The following GNE variants were observed in gnomAD, a reference collection of about 807,000 sequenced individuals.
GNE encodes glucosamine (UDP-N-acetyl)-2-epimerase/N-acetylmannosamine kinase.
GNE carries 41 observed loss-of-function variants against 61.8 expected under a neutral mutation model. The observed-to-expected ratio is 0.66, with a 90% CI of 0.52 to 0.86. GNE has a LOEUF of 0.86. Among genes scored for constraint, GNE ranks in the 40% least tolerant of loss-of-function variants. The pLI, the probability that GNE is intolerant of heterozygous loss-of-function variation, is 0.00. For synonymous variants in GNE, 264 were observed against 326.4 expected (o/e 0.81, Z 2.06); for missense variants, 608 against 909.1 (o/e 0.67, Z 4.26).
upstream of GNE, among the ~76,000 whole-genome samples, chr9:36,258,930 A>G (rs1830515909): frequency 6.6e-6 from 1 of 152,134 alleles, no homozygotes; most frequent in African/African-American, 2.4e-5. Flanking sequence ...ATTGATGACC[A>G]AGGCATGGCA....
chr9:36,222,097 C>T (rs1178822575), intron 9 of GNE, among the ~76,000 whole-genome samples: 1 of 152,174 alleles, frequency 6.6e-6, no homozygotes, highest in African/African-American at 2.4e-5. Context: ...TATCCTAGTG[C>T]TGAGGGGGTT....
Position 36,219,848 on chromosome 9 carries a change from C to CT in GNE, c.1805dup (p.Leu603AlafsTer3). 1.2e-6 allele frequency: 2 copies of CT among 1,613,996 alleles called. No individual in the cohort carries two copies. Among genetic ancestry groups the CT allele is most frequent in the South Asian group, 1.1e-5 (1 of 91,080 alleles). Reference sequence around the variant, plus strand: ...GAGAGGGACACCAACCATCATGGAGCTTTTTTGCCTCCCTCTGCAAGGCCA... The same window carrying CT: ...GAGAGGGACACCAACCATCATGGAGCTTTTTTTGCCTCCCTCTGCAAGGCCA... On this transcript the variant is annotated frameshift_variant, in exon 10 of 12. Coordinates refer to ENST00000642385, the MANE Select transcript of GNE (RefSeq NM_005476.7). LOFTEE classifies it high-confidence loss of function.
Position 36,216,673 on chromosome 9 carries a change from T to TA in GNE, c.*691_*692insT, listed in dbSNP as rs60468720. ...TTATTATTATTATTATTATTATTAT[T>TA]TATTATTATTATTTTTGAGATGGAG... On this transcript the variant is annotated 3_prime_UTR_variant, in exon 12 of 12. Coordinates refer to ENST00000642385, the MANE Select transcript of GNE (RefSeq NM_005476.7). 1.1e-4 allele frequency: 4 copies of TA among 36,458 alleles called. No homozygotes were observed. The highest frequency in any genetic ancestry group is 2.5e-4 in the African/African-American group (3 of 12,190). The allele number at this position is 36,458 out of a possible 1,614,324, so 2.3% of individuals were successfully genotyped here. A position where few individuals can be genotyped will look rare whatever the true frequency, so the allele number is the denominator to read the frequency against.
chr9:36,230,685 A>G (rs1587304548), intron 5 of GNE, among the ~76,000 whole-genome samples: 1 of 144,842 alleles, frequency 6.9e-6, no homozygotes. Flanking sequence ...TTTGAGACGG[A>G]GTCTCGCTCT....
At chr9:36,261,892 C>T (rs1351949996), upstream of GNE, among the ~76,000 whole-genome samples, 2 of 148,698 alleles carry the variant, frequency 1.3e-5, no homozygotes, top group African/African-American at 2.5e-5. Context: ...CACTGCACTC[C>T]AGCCTGGGCA....
rs1348230579 is a variant in GNE, at chr9:36,218,616, T to C, written c.1817-317A>G. Among the ~76,000 whole-genome samples the C allele has an allele frequency of 3.9e-5, 6 of 152,194 alleles. No individual in the cohort carries two copies. Among genetic ancestry groups the C allele is most frequent in the African/African-American group, 1.2e-4 (5 of 41,454 alleles). On this transcript the variant is annotated intron_variant, in intron 10 of 11. Transcript: ENST00000642385. This position sits in a 1 kb window ranked among gnomAD's most constrained non-coding sequence, Gnocchi z 4.1. ...TTGAAGTGTTCTTTTCTCCAAATTA[T>C]CACCCTCCTCCCACATTCACTCCTT...
intron 1 of GNE, among the ~76,000 whole-genome samples, chr9:36,266,954 T>C (rs937124428): frequency 6.6e-6 from 1 of 151,800 alleles, no homozygotes; most frequent in Non-Finnish European, 1.5e-5. Context: ...TAATCTCAGC[T>C]ACTCGGGAGG....
chr9:36,242,729 CTTG>C (rs1402206919), intron 3 of GNE, among the ~76,000 whole-genome samples: 11 of 92,922 alleles, frequency 1.2e-4, no homozygotes, highest in African/African-American at 4.1e-4. Flanking sequence ...GGGTTTTATG[CTTG>C]TTTTTTTTTT....
intron 7 of GNE, among the ~76,000 whole-genome samples, chr9:36,224,999 G>C (rs898048836): frequency 1.3e-5 from 2 of 151,952 alleles, no homozygotes; most frequent in African/African-American, 4.8e-5. Flanking sequence ...GTTAAACTTT[G>C]AGAAATTCCA....
At chr9:36,257,801 T>TA (rs1563955404) in intron 1 of GNE, among the ~76,000 whole-genome samples, 144 of 5,364 alleles carry the variant, frequency 0.027, 5 homozygotes, top group African/African-American at 0.097. Flanking sequence ...AGACTCAGTC[T>TA]CAAAAAAAAA....
chr9:36,271,858 C>T (rs1260193142), intron 1 of GNE, among the ~76,000 whole-genome samples: 1 of 152,124 alleles, frequency 6.6e-6, no homozygotes, highest in Non-Finnish European at 1.5e-5. Context: ...GAAGTTAGCC[C>T]TGTTTGGTAT....
intron 1 of GNE, 70 bp from the exon 2 acceptor site, chr9:36,249,467 T>C (rs1830031547): frequency 2.0e-6 from 2 of 1,009,772 alleles, no homozygotes; most frequent in African/African-American, 1.6e-5. Context: ...TAAACTTCTC[T>C]AAATCAGAAA....
At chr9:36,230,278 A>G (rs994730115) in intron 5 of GNE, among the ~76,000 whole-genome samples, 1 of 152,042 alleles carries the variant, frequency 6.6e-6, no homozygotes, top group African/African-American at 2.4e-5. Flanking sequence ...AGCAGTATCC[A>G]CCACCCCATC....
upstream of GNE, among the ~76,000 whole-genome samples, chr9:36,262,456 T>C (rs921101020): frequency 3.3e-5 from 5 of 152,182 alleles, no homozygotes; most frequent in African/African-American, 1.2e-4. Context: ...TAATATTACA[T>C]TTCTGGATTT....
At position 36,231,082 on chromosome 9, in the gene GNE, AAAG is replaced by A. The variant is rs1402843255; in HGVS notation, c.983-1977_983-1975del. On this transcript the variant is annotated intron_variant, in intron 5 of 11. Transcript: ENST00000642385. ...CTGCTTCACTAAAAAAAAAAAAAAA[AAAG>A]AAAGAAAGAGAGAGAGAGAAAGAGA... is the stretch of plus-strand genomic sequence containing the variant. Among the ~76,000 whole-genome samples the A allele has an allele frequency of 9.2e-5, 11 of 119,566 alleles. No individual in the cohort carries two copies. The South Asian group carries it at 1.4e-3, about 16-fold the overall frequency. The allele number at this position is 119,566 out of a possible 152,430, so 78.4% of individuals were successfully genotyped here.
rs533015844 is a variant in GNE at position 36,274,879 on chromosome 9, T to A, written c.51+2015A>T. Among the ~76,000 whole-genome samples, 7 of 152,258 alleles carry A rather than the reference T, an allele frequency of 4.6e-5. No homozygotes were observed. In the South Asian group the frequency reaches 1.4e-3, roughly 32 times the overall value. On this transcript the variant is annotated intron_variant, in intron 1 of 11. Transcript: ENST00000396594. The stretch of plus-strand genomic sequence containing the variant: ...CTGGGACTACAGGCACCCGCCATCA[T>A]GCCCGGCTAATTTTTTTTGTATTTT...
At chr9:36,245,944 C>A in intron 3 of GNE, 87 bp downstream of exon 3, 1 of 1,043,480 alleles carries the variant, frequency 9.6e-7, no homozygotes, top group South Asian at 1.3e-5. Context: ...AGTATTCTAT[C>A]CATAATAGTT....
chr9:36,252,258 T>C (rs1403611424), intron 1 of GNE, among the ~76,000 whole-genome samples: 1 of 152,192 alleles, frequency 6.6e-6, no homozygotes, highest in Non-Finnish European at 1.5e-5. Context: ...GTGCTGGGAT[T>C]ACAGGCATGA....
In GNE at chr9:36,223,571, CT is replaced by C; in HGVS notation, c.1282-70del. 7 of 1,508,622 alleles carry C rather than the reference CT, an allele frequency of 4.6e-6. No individual in the cohort carries two copies. In the South Asian group the frequency reaches 6.8e-5, roughly 15 times the overall value. 93.5% of individuals were successfully genotyped at this position (1,508,622 alleles called of 1,614,324 possible). ...AGCAGCATATTGTGAGTGTTGTGAT[CT>C]TTTTCATGACAAATTAGACACTGCT... On this transcript the variant is annotated intron_variant, in intron 7 of 11. Coordinates refer to ENST00000642385, the MANE Select transcript of GNE (RefSeq NM_005476.7).
Sources: gnomAD v4.1 joint callset for allele counts (sites outside exome capture counted in the v4.1 genomes callset) on GRCh38, gnomAD v4.1.1 for gene constraint, Gnocchi (gnomAD v3.1) non-coding constraint, MANE v1.5 for transcripts, NCBI Gene and HGNC (gene_info 2026-07-23, HGNC 2026-07-21) for gene names.